MRTFA: variants seen among roughly 807,000 people sequenced by gnomAD.
MRTFA encodes the protein myocardin-related transcription factor A.
A neutral mutation model predicts 83.5 loss-of-function variants in MRTFA; 20 were observed. That is an observed-to-expected ratio of 0.24 (90% CI 0.17 to 0.35). The LOEUF (loss-of-function observed/expected upper bound fraction) is 0.35. Ranked by LOEUF, MRTFA falls within the 10% of genes least tolerant of loss-of-function variation. The probability of loss-of-function intolerance (pLI) is 1.00; values close to 1 mark genes in which losing one functional copy is unlikely to be tolerated. For missense variants in MRTFA, 1,200 were observed against 1,224.7 expected, an observed-to-expected ratio of 0.98 and a Z score of 0.30; for synonymous variants, 659 against 541.2, an observed-to-expected ratio of 1.22 and a Z score of -3.02.
chr22:40,487,886 A>G (rs1428097235), intron 3 of MRTFA, among the ~76,000 whole-genome samples: 2 of 152,144 alleles, frequency 1.3e-5, no homozygotes, highest in African/African-American at 2.4e-5. Context: ...ACAATCAGCA[A>G]TCTCAGTAGA....
At chr22:40,515,220 C>A (rs2054737973) in intron 3 of MRTFA, among the ~76,000 whole-genome samples, 5 of 151,848 alleles carry the variant, frequency 3.3e-5, no homozygotes, top group Admixed American at 3.3e-4. Context: ...TCCAATATTT[C>A]ATATTCATTT....
At chr22:40,441,736 G>A (rs535369965) in intron 4 of MRTFA, among the ~76,000 whole-genome samples, 58 of 151,802 alleles carry the variant, frequency 3.8e-4, no homozygotes, top group South Asian at 3.1e-3. Flanking sequence ...GCAGTGAGCC[G>A]AGACCGTGAC....
chr22:40,457,677 AT>A (rs1332098059), intron 4 of MRTFA, among the ~76,000 whole-genome samples: 1 of 152,210 alleles, frequency 6.6e-6, no homozygotes, highest in Non-Finnish European at 1.5e-5. Flanking sequence ...TCGAAGATCT[AT>A]ACGACAAAAA....
rs180871009 is a variant in MRTFA, at chr22:40,463,669, G to A, written c.242-383C>T. Among the ~76,000 whole-genome samples, 140 of 152,010 alleles carry A rather than the reference G, an allele frequency of 9.2e-4. 1 individual carries two copies. In the Middle Eastern group the frequency reaches 0.02, roughly 22 times the overall value. On this transcript the variant is annotated intron_variant, in intron 3 of 14. Coordinates refer to ENST00000355630, the MANE Select transcript of MRTFA (RefSeq NM_020831.6). The stretch of plus-strand genomic sequence containing the variant: ...AAAAAAAGCTTTCCAGATGCTCTAC[G>A]CTTAACAAATGTTTACCACCATAAG...
In MRTFA at chr22:40,419,399, A is replaced by G. The variant is rs779480248; in HGVS notation, c.1354-15T>C. 7 of 1,611,212 alleles carry G rather than the reference A, an allele frequency of 4.3e-6. No individual in the cohort carries two copies. The highest frequency in any genetic ancestry group is 5.1e-6 in the Non-Finnish European group (6 of 1,179,422). On this transcript the variant is annotated splice_polypyrimidine_tract_variant and intron_variant, in intron 11 of 14. Transcript: ENST00000355630. Reference sequence around the variant, plus strand: ...AGCTCTGCCACCTGCAAGGCAGTCAAGAGTCAGGGAGGCCAGGGGCAGCTG... The same window carrying G: ...AGCTCTGCCACCTGCAAGGCAGTCAGGAGTCAGGGAGGCCAGGGGCAGCTG...
intron 3 of MRTFA, among the ~76,000 whole-genome samples, chr22:40,480,312 C>T (rs2054067053): frequency 6.6e-6 from 1 of 151,650 alleles, no homozygotes; most frequent in Admixed American, 6.6e-5. Flanking sequence ...TGGGGTCCTG[C>T]ATTGTTGCCC....
intron 3 of MRTFA, among the ~76,000 whole-genome samples, chr22:40,529,897 G>C (rs1246784094): frequency 6.6e-6 from 1 of 152,120 alleles, no homozygotes; most frequent in Non-Finnish European, 1.5e-5. Flanking sequence ...AGGCAGCCAG[G>C]GTTACCAGCT....
intron 1 of MRTFA, among the ~76,000 whole-genome samples, chr22:40,608,875 T>C (rs2056350916): frequency 6.6e-6 from 1 of 152,234 alleles, no homozygotes; most frequent in Non-Finnish European, 1.5e-5. Flanking sequence ...TTATCCCTTA[T>C]ATATGAAAAT....
chr22:40,443,828 C>A (rs1315779972), intron 4 of MRTFA, among the ~76,000 whole-genome samples: 4 of 152,154 alleles, frequency 2.6e-5, no homozygotes, highest in Admixed American at 2.6e-4. Context: ...GTAACAAACA[C>A]CCCTCCCTAT....
Position 40,553,361 on chromosome 22 carries a change from G to C in MRTFA, c.-21-994C>G, listed in dbSNP as rs192269538. Among the ~76,000 whole-genome samples the C allele has an allele frequency of 8.8e-4, 134 of 152,200 alleles. 1 individual carries two copies. In the Middle Eastern group the frequency reaches 0.02, roughly 23 times the overall value. The stretch of plus-strand genomic sequence containing the variant: ...TCACAGACCTTCACAGCAGCGCCTC[G>C]AAGGCATAGGAGGGAAAAATGGTTT... On this transcript the variant is annotated intron_variant, in intron 2 of 14. Coordinates refer to ENST00000355630, the MANE Select transcript of MRTFA (RefSeq NM_020831.6).
chr22:40,574,440 A>ATTTTTTT lies in MRTFA; in HGVS notation c.-22+20227_-22+20233dup, dbSNP rs1556012318. Among the ~76,000 whole-genome samples, 610 of 147,782 alleles carry ATTTTTTT rather than the reference A, an allele frequency of 4.1e-3. 5 individuals carry two copies. Among genetic ancestry groups the ATTTTTTT allele is most frequent in the East Asian group, 0.036 (183 of 5,022 alleles). On this transcript the variant is annotated intron_variant, in intron 2 of 14. Transcript: ENST00000355630. ...CACTGCATTAGTTATTATTATTATTATTTTTTTTTTTTGAGATGGAGCCTT... is the reference window on the plus strand; with the variant it reads ...CACTGCATTAGTTATTATTATTATTATTTTTTTTTTTTTTTTTTTGAGATGGAGCCTT...
At chr22:40,517,501 G>C (rs1295236069) in intron 3 of MRTFA, among the ~76,000 whole-genome samples, 1 of 152,036 alleles carries the variant, frequency 6.6e-6, no homozygotes, top group African/African-American at 2.4e-5. Context: ...AGGCCAGCTG[G>C]GTACAATCTT....
At chr22:40,494,100 A>C (rs972616212) in intron 3 of MRTFA, among the ~76,000 whole-genome samples, 26 of 152,194 alleles carry the variant, frequency 1.7e-4, no homozygotes, top group African/African-American at 5.8e-4. Context: ...TATGGTTTAT[A>C]TGTGTCACGT....
chr22:40,447,949 T>G (rs1167914400), intron 4 of MRTFA, among the ~76,000 whole-genome samples: 3 of 152,122 alleles, frequency 2.0e-5, no homozygotes, highest in Non-Finnish European at 2.9e-5. Flanking sequence ...TTCCAACACT[T>G]TGGGAGGCCA....
intron 3 of MRTFA, chr22:40,523,223 C>T (rs1393718190): frequency 1.3e-5 from 2 of 152,046 alleles, no homozygotes; most frequent in Admixed American, 1.3e-4. Context: ...TTACCCTATT[C>T]TTCCATACTA....
intron 3 of MRTFA, among the ~76,000 whole-genome samples, chr22:40,525,853 AG>A: frequency 6.6e-6 from 1 of 152,242 alleles, no homozygotes; most frequent in Non-Finnish European, 1.5e-5. Flanking sequence ...AGAATCAAAG[AG>A]GAAAAAAAAA....
At chr22:40,636,225 A>G (rs2056697054) in intron 1 of MRTFA, among the ~76,000 whole-genome samples, 1 of 152,296 alleles carries the variant, frequency 6.6e-6, no homozygotes, top group African/African-American at 2.4e-5. Context: ...CCTGCCAGGC[A>G]GTGCACAGGT....
chr22:40,574,135 A>G (rs906038658), intron 2 of MRTFA, among the ~76,000 whole-genome samples: 2 of 152,162 alleles, frequency 1.3e-5, no homozygotes, highest in Non-Finnish European at 2.9e-5. Flanking sequence ...TGACCATGAT[A>G]CAGTCTGGTG....
At chr22:40,484,441 T>C (rs973599359) in intron 3 of MRTFA, among the ~76,000 whole-genome samples, 2 of 152,118 alleles carry the variant, frequency 1.3e-5, no homozygotes, top group Non-Finnish European at 2.9e-5. Context: ...AGGAGCCCAT[T>C]TAACTACTGT....
Sources: allele counts gnomAD v4.1 joint callset (sites outside exome capture counted in the v4.1 genomes callset), GRCh38; gene constraint gnomAD v4.1.1; transcripts MANE v1.5; gene names NCBI Gene and HGNC (gene_info 2026-07-23, HGNC 2026-07-21).